FBXL4: variants seen among roughly 807,000 people sequenced by gnomAD.
FBXL4 encodes F-box and leucine rich repeat protein 4.
Under a neutral mutation model 58.9 loss-of-function variants are expected in FBXL4, and 40 were observed. The ratio of observed to expected loss-of-function variants is 0.68; its 90% CI spans 0.53 to 0.88. The LOEUF is 0.88. Ranked by LOEUF, FBXL4 falls within the 40% of genes least tolerant of loss-of-function variation. The pLI, the probability that FBXL4 is intolerant of heterozygous loss-of-function variation, is 0.00. For missense variants in FBXL4, 676 were observed against 734.4 expected (o/e 0.92, Z 0.92); for synonymous variants, 263 against 265.5 (o/e 0.99, Z 0.09).
intron 2 of FBXL4, among the ~76,000 whole-genome samples, chr6:98,932,154 T>G (rs1184958272): frequency 1.3e-5 from 2 of 152,212 alleles, no homozygotes; most frequent in Non-Finnish European, 2.9e-5. Flanking sequence ...AAAAAGCTAC[T>G]TTAAGGACTC....
rs1390361422 is a variant in FBXL4, at chr6:98,917,460, C to T, written c.772G>A (p.Gly258Arg). 11 of 1,613,914 alleles carry T rather than the reference C, an allele frequency of 6.8e-6. No individual in the cohort carries two copies. The highest frequency in any genetic ancestry group is 9.3e-6 in the Non-Finnish European group (11 of 1,179,956). ...DDAYAEKDGC[G>R]MDSLNKKFSS... ...AACTTTTTGTTAAGACTGTCCATTC[C>T]ACAACCATCCTTTTCTGCATAGGCA... The change falls in exon 5 of 10, where the codon GGA (glycine) becomes AGA (arginine). Residue 258 changes from glycine to arginine, a missense_variant. Coordinates refer to ENST00000369244, the MANE Select transcript of FBXL4 (RefSeq NM_001278716.2).
At chr6:98,900,154 G>A (rs539990267) in intron 6 of FBXL4, among the ~76,000 whole-genome samples, 1 of 152,274 alleles carries the variant, frequency 6.6e-6, no homozygotes, top group Admixed American at 6.5e-5. Flanking sequence ...ATTTATGTCA[G>A]TTATGTTATA....
chr6:98,934,083 AAG>A (rs1172508756), intron 2 of FBXL4, among the ~76,000 whole-genome samples: 1 of 152,220 alleles, frequency 6.6e-6, no homozygotes, highest in Non-Finnish European at 1.5e-5. Flanking sequence ...GAATACATAA[AAG>A]AGTCTTGACT....
intron 7 of FBXL4, chr6:98,897,044 C>T: frequency 1.0e-6 from 1 of 984,514 alleles, no homozygotes; most frequent in Non-Finnish European, 1.2e-6. Context: ...TATAAGATGC[C>T]TAGCAAGTTA....
intron 5 of FBXL4, among the ~76,000 whole-genome samples, chr6:98,915,367 T>C (rs1334399266): frequency 6.6e-6 from 1 of 152,132 alleles, no homozygotes; most frequent in East Asian, 1.9e-4. Context: ...ACCAAGTCAA[T>C]CCTAAGCCAA....
intron 5 of FBXL4, among the ~76,000 whole-genome samples, chr6:98,913,313 G>A (rs948457175): frequency 3.3e-5 from 5 of 152,044 alleles, no homozygotes; most frequent in African/African-American, 9.7e-5. Flanking sequence ...ACTCAGCTCG[G>A]CATCAAGCGG....
chr6:98,892,049 G>C (rs2128385765), intron 7 of FBXL4, among the ~76,000 whole-genome samples: 1 of 152,266 alleles, frequency 6.6e-6, no homozygotes. Flanking sequence ...TATTCCCATT[G>C]AAAGTTCTAC....
At position 98,869,979 on chromosome 6, in the gene FBXL4, CAA is replaced by C. The variant is rs1770450491; in HGVS notation, c.*4297_*4298del. ...GAAGATAATTTACCTGAGCAAAATGCAAAGATAAATAATTATACAAAAATTTA... is the reference window on the plus strand; with the variant it reads ...GAAGATAATTTACCTGAGCAAAATGCAGATAAATAATTATACAAAAATTTA... On this transcript the variant is annotated 3_prime_UTR_variant, in exon 10 of 10. Transcript: ENST00000369244. 1 of 152,046 alleles carries C rather than the reference CAA, an allele frequency of 6.6e-6. No homozygotes were observed. The highest frequency in any genetic ancestry group is 2.4e-5 in the African/African-American group (1 of 41,406). 9.4% of individuals were successfully genotyped at this position (152,046 alleles called of 1,614,324 possible). A position where few individuals can be genotyped will look rare whatever the true frequency, so the allele number is the denominator to read the frequency against.
intron 6 of FBXL4, among the ~76,000 whole-genome samples, chr6:98,902,273 T>G (rs1300119516): frequency 6.6e-6 from 1 of 152,126 alleles, no homozygotes; most frequent in African/African-American, 2.4e-5. Context: ...ATATTCAAGA[T>G]AATTTTAATC....
intron 4 of FBXL4, among the ~76,000 whole-genome samples, chr6:98,925,499 C>T (rs1460974902): frequency 1.3e-5 from 2 of 152,186 alleles, no homozygotes; most frequent in African/African-American, 4.8e-5. Flanking sequence ...GATATACTTG[C>T]ACACATGCAA....
chr6:98,920,472 A>C (rs1772536811), intron 4 of FBXL4, among the ~76,000 whole-genome samples: 1 of 152,144 alleles, frequency 6.6e-6, no homozygotes, highest in African/African-American at 2.4e-5. Flanking sequence ...TCTAAATATT[A>C]AAAATTTCCA....
intron 9 of FBXL4, among the ~76,000 whole-genome samples, chr6:98,875,080 T>C (rs1250767175): frequency 1.3e-5 from 2 of 151,616 alleles, no homozygotes; most frequent in South Asian, 2.1e-4. Flanking sequence ...GAATTCATTA[T>C]ACAAATGAAT....
At chr6:98,901,123 T>C (rs1156908124) in intron 6 of FBXL4, among the ~76,000 whole-genome samples, 1 of 151,910 alleles carries the variant, frequency 6.6e-6, no homozygotes, top group Non-Finnish European at 1.5e-5. Context: ...GATAACCAAA[T>C]GAGTAAAGTA....
chr6:98,890,477 T>C (rs1316225013), intron 7 of FBXL4, among the ~76,000 whole-genome samples: 1 of 152,230 alleles, frequency 6.6e-6, no homozygotes, highest in African/African-American at 2.4e-5. Context: ...TAAATTTGCA[T>C]AACAAATGTC....
intron 4 of FBXL4, among the ~76,000 whole-genome samples, chr6:98,920,456 AAT>A (rs368151638): frequency 1.3e-5 from 2 of 152,238 alleles, no homozygotes; most frequent in Non-Finnish European, 1.5e-5. Flanking sequence ...AAGATTTAAA[AAT>A]ATGTCTAAAT....
chr6:98,916,576 C>A (rs1035085728), intron 5 of FBXL4, among the ~76,000 whole-genome samples: 9 of 151,788 alleles, frequency 5.9e-5, no homozygotes, highest in East Asian at 5.8e-4. Flanking sequence ...GACAAAAAAA[C>A]CAAACACCGC....
chr6:98,881,700 T>C (rs1770860493), intron 7 of FBXL4, among the ~76,000 whole-genome samples: 1 of 152,110 alleles, frequency 6.6e-6, no homozygotes, highest in Non-Finnish European at 1.5e-5. Flanking sequence ...CAGAGGACTA[T>C]TATACTTAAG....
rs1027076881 is a variant in FBXL4 at position 98,869,824 on chromosome 6, A to G, written c.*4454T>C. On this transcript the variant is annotated 3_prime_UTR_variant, in exon 10 of 10. Coordinates refer to ENST00000369244, the MANE Select transcript of FBXL4 (RefSeq NM_001278716.2). Reference sequence around the variant, plus strand: ...GTTTTTCTCTGCTACATATTGGCTCAAAAGTAAGCACCTGAATATTAATTG... The same window carrying G: ...GTTTTTCTCTGCTACATATTGGCTCGAAAGTAAGCACCTGAATATTAATTG... 6.6e-6 allele frequency: 1 copy of G among 152,226 alleles called. No homozygotes were observed. Among genetic ancestry groups the G allele is most frequent in the Non-Finnish European group, 1.5e-5 (1 of 68,034 alleles). The allele number at this position is 152,226 out of a possible 1,614,324, so 9.4% of individuals were successfully genotyped here. A position where few individuals can be genotyped will look rare whatever the true frequency, so the allele number is the denominator to read the frequency against.
At position 98,872,375 on chromosome 6, in the gene FBXL4, TG is replaced by T. The variant is rs1770513761; in HGVS notation, c.*1902del. 1 of 152,204 alleles carries T rather than the reference TG, an allele frequency of 6.6e-6. No homozygotes were observed. Among genetic ancestry groups the T allele is most frequent in the African/African-American group, 2.4e-5 (1 of 41,446 alleles). 9.4% of individuals were successfully genotyped at this position (152,204 alleles called of 1,614,324 possible). On this transcript the variant is annotated 3_prime_UTR_variant, in exon 10 of 10. Transcript: ENST00000369244. ...ATTCTCATGGATTAATGTAAGTATT[TG>T]ACAATACCTATCTGCAAGGAATTTT...
Sources: gnomAD v4.1 joint callset for allele counts (sites outside exome capture counted in the v4.1 genomes callset) on GRCh38, gnomAD v4.1.1 for gene constraint, MANE v1.5 for transcripts, NCBI Gene and HGNC (gene_info 2026-07-23, HGNC 2026-07-21) for gene names.